NUP35: variants seen among roughly 807,000 people sequenced by gnomAD.
NUP35 encodes nucleoporin 35.
Under a neutral mutation model 41.5 loss-of-function variants are expected in NUP35, and 25 were observed. The ratio of observed to expected loss-of-function variants is 0.60; its 90% CI spans 0.44 to 0.84. The LOEUF is 0.84. Among genes scored for constraint, NUP35 ranks in the 40% least tolerant of loss-of-function variants. The probability of loss-of-function intolerance (pLI) is 0.00; values close to 1 mark genes in which losing one functional copy is unlikely to be tolerated. For missense variants in NUP35, 396 were observed against 396.6 expected (o/e 1.00, Z 0.01); for synonymous variants, 149 against 130.7 (o/e 1.14, Z -0.96).
At chr2:183,119,243 C>T (rs1024016104) in intron 1 of NUP35, among the ~76,000 whole-genome samples, 1 of 152,186 alleles carries the variant, frequency 6.6e-6, no homozygotes, top group Non-Finnish European at 1.5e-5. Context: ...GGGGCACCTT[C>T]TCTTGCTCTG....
At chr2:183,130,363 A>C (rs889313602) in intron 2 of NUP35, 55 bp from the exon 3 acceptor site, 2 of 1,505,750 alleles carry the variant, frequency 1.3e-6, no homozygotes, top group African/African-American at 2.9e-5. Context: ...TAAATTTAAA[A>C]AATCTTACCA....
intron 7 of NUP35, 27 bp downstream of exon 7, chr2:183,158,438 T>C: frequency 6.4e-7 from 1 of 1,559,064 alleles, no homozygotes; most frequent in Non-Finnish European, 8.7e-7. Flanking sequence ...GTAGGCAAAG[T>C]AGCTTAATCT....
chr2:183,138,265 A>ATTTTTTTTTTTTTTTTTTTTTTT (rs1167656474), intron 4 of NUP35, among the ~76,000 whole-genome samples: 2 of 69,190 alleles, frequency 2.9e-5, no homozygotes, highest in Admixed American at 2.8e-4. Context: ...ATATATATAT[A>ATTTTTTTTTTTTTTTTTTTTTTT]TATATTTTTT....
At chr2:183,158,498 G>A (rs1685756556) in intron 7 of NUP35, 87 bp downstream of exon 7, 9 of 1,171,952 alleles carry the variant, frequency 7.7e-6, no homozygotes, top group Non-Finnish European at 1.1e-5. Flanking sequence ...GTGTCACTTG[G>A]TTTCACTGTG....
rs146791143 is a variant in NUP35 at position 183,131,212 on chromosome 2, G to T, written c.339+667G>T. 1.3e-3 allele frequency: 206 copies of T among 164,168 alleles called. 3 individuals carry two copies. In the Middle Eastern group the frequency reaches 0.015, roughly 12 times the overall value. The allele number at this position is 164,168 out of a possible 1,614,324, so 10.2% of individuals were successfully genotyped here. ...TCCTTGCACCTTGACCTCTCAAAGCGCTAGATTATAAATGTGAGCCACTGT... is the reference window on the plus strand; with the variant it reads ...TCCTTGCACCTTGACCTCTCAAAGCTCTAGATTATAAATGTGAGCCACTGT... On this transcript the variant is annotated intron_variant, in intron 3 of 8. Transcript: ENST00000295119.
At chr2:183,128,890 T>A (rs1239784092) in intron 2 of NUP35, among the ~76,000 whole-genome samples, 2 of 152,234 alleles carry the variant, frequency 1.3e-5, no homozygotes, top group African/African-American at 4.8e-5. Flanking sequence ...AAATGTATTC[T>A]ATGTTTTTTT....
upstream of NUP35, among the ~76,000 whole-genome samples, chr2:183,119,698 G>A (rs1700039878): frequency 6.6e-6 from 1 of 151,984 alleles, no homozygotes; most frequent in African/African-American, 2.4e-5. Context: ...GAGGGGGGTG[G>A]GCAGGGAACA....
At chr2:183,141,843 G>T (rs1435292341) in intron 4 of NUP35, among the ~76,000 whole-genome samples, 1 of 152,082 alleles carries the variant, frequency 6.6e-6, no homozygotes, top group Admixed American at 6.6e-5. Flanking sequence ...ATCATCCTAG[G>T]ACTTGCATGT....
intron 2 of NUP35, among the ~76,000 whole-genome samples, chr2:183,129,304 C>T (rs1258556800): frequency 1.3e-5 from 2 of 152,088 alleles, no homozygotes; most frequent in African/African-American, 4.8e-5. Context: ...ACTCCTTTAG[C>T]AAAGAAATAC....
chr2:183,143,155 CA>C (rs71407011), intron 4 of NUP35, among the ~76,000 whole-genome samples: 171 of 121,890 alleles, frequency 1.4e-3, no homozygotes, highest in Admixed American at 1.1e-3. Flanking sequence ...GACTCCATCT[CA>C]AAAAAAAAAA....
At chr2:183,124,378 C>T (rs1054345173), upstream of NUP35, 2 of 1,612,896 alleles carry the variant, frequency 1.2e-6, no homozygotes, top group African/African-American at 2.7e-5. Flanking sequence ...AGGTAGCACG[C>T]CGTTACCCGT....
intron 4 of NUP35, among the ~76,000 whole-genome samples, chr2:183,150,906 A>T (rs1685448719): frequency 6.6e-6 from 1 of 152,242 alleles, no homozygotes; most frequent in Non-Finnish European, 1.5e-5. Context: ...AATGAACTTT[A>T]TAAAGTGTTT....
At chr2:183,141,977 A>T (rs1205760339) in intron 4 of NUP35, among the ~76,000 whole-genome samples, 1 of 152,200 alleles carries the variant, frequency 6.6e-6, no homozygotes, top group African/African-American at 2.4e-5. Context: ...TTAAAACCTC[A>T]TGTCAGAAAT....
At chr2:183,139,658 G>A (rs1289771659) in intron 4 of NUP35, among the ~76,000 whole-genome samples, 2 of 152,184 alleles carry the variant, frequency 1.3e-5, no homozygotes, top group Non-Finnish European at 2.9e-5. Context: ...TGAAGAGGAA[G>A]AGAAACATAT....
Position 183,147,561 on chromosome 2 carries a change from A to G in NUP35, c.398-3947A>G, listed in dbSNP as rs556641079. Among the ~76,000 whole-genome samples the G allele has an allele frequency of 4.6e-5, 7 of 152,292 alleles. No individual in the cohort carries two copies. In the East Asian group the frequency reaches 1.2e-3, roughly 25 times the overall value. On this transcript the variant is annotated intron_variant, in intron 4 of 8. Coordinates refer to ENST00000295119, the MANE Select transcript of NUP35 (RefSeq NM_138285.5). ...TGGTCTGTGTACCTATTTTTGTACC[A>G]GTACCATACTGTTTTGGTTACTGTA...
chr2:183,130,430 C>A lies in NUP35; in HGVS notation c.224C>A (p.Pro75Gln). The A allele has an allele frequency of 6.2e-7, 1 of 1,603,264 alleles. No homozygotes were observed. Among genetic ancestry groups the A allele is most frequent in the South Asian group, 1.1e-5 (1 of 89,842 alleles). Residue 75 changes from proline (P) to glutamine (Q), a missense_variant, in exon 3 of 9, where the codon CCA (proline) becomes CAA (glutamine). Physicochemically the swap from Pro to Gln is moderately conservative, Grantham distance 76. Transcript: ENST00000295119. ...TTGTACACTGTAGGTGGGTCACCACCACAACCAGTTGTACCAGCTCATAAA... is the reference window on the plus strand; with the variant it reads ...TTGTACACTGTAGGTGGGTCACCACAACAACCAGTTGTACCAGCTCATAAA... ...RSPLLAGGSP[P>Q]QPVVPAHKDK...
Position 183,124,623 on chromosome 2 carries a change from G to A in NUP35, c.40+126G>A. On this transcript the variant is annotated intron_variant, in intron 1 of 8. Transcript: ENST00000295119. ...TTTCAGTCGCGGAGAGGGAATCCTT[G>A]GGTGCCCCCAAGTTCATAGTCGGTC... 2.4e-6 allele frequency: 3 copies of A among 1,256,810 alleles called. No homozygotes were observed. The South Asian group carries it at 3.7e-5, about 16-fold the overall frequency. 77.9% of individuals were successfully genotyped at this position (1,256,810 alleles called of 1,614,324 possible). A position where few individuals can be genotyped will look rare whatever the true frequency, so the allele number is the denominator to read the frequency against.
chr2:183,154,084 C>T (rs543847777), intron 5 of NUP35, among the ~76,000 whole-genome samples: 2 of 152,320 alleles, frequency 1.3e-5, no homozygotes, highest in East Asian at 3.9e-4. Flanking sequence ...TCAGCCACGG[C>T]TGCAGGGGCT....
At chr2:183,138,269 AT>A (rs147315571) in intron 4 of NUP35, among the ~76,000 whole-genome samples, 35 of 80,698 alleles carry the variant, frequency 4.3e-4, no homozygotes, top group East Asian at 2.1e-3. Context: ...ATATATATAT[AT>A]TTTTTTTTTT....
Sources: allele counts gnomAD v4.1 joint callset (sites outside exome capture counted in the v4.1 genomes callset), GRCh38; gene constraint gnomAD v4.1.1; transcripts MANE v1.5; gene names NCBI Gene and HGNC (gene_info 2026-07-23, HGNC 2026-07-21).